The following AOPEP variants were observed in gnomAD, a reference collection of about 807,000 sequenced individuals.
AOPEP encodes aminopeptidase O (putative).
In AOPEP, 77 loss-of-function variants were observed where a neutral mutation model predicts 98.1. The ratio of observed to expected loss-of-function variants is 0.78; its 90% confidence interval spans 0.65 to 0.95. AOPEP has a LOEUF of 0.95. Among genes scored for constraint, AOPEP ranks in the 40% least tolerant of loss-of-function variants. The probability of loss-of-function intolerance (pLI) is 0.00; values close to 1 mark genes in which losing one functional copy is unlikely to be tolerated. For synonymous variants in AOPEP, 346 were observed against 365.3 expected (o/e 0.95, Z 0.60); for missense variants, 1,024 against 1,024.7 (o/e 1.00, Z 0.01).
At chr9:94,905,610 C>A (rs1473214460) in intron 5 of AOPEP, among the ~76,000 whole-genome samples, 1 of 152,114 alleles carries the variant, frequency 6.6e-6, no homozygotes, top group East Asian at 1.9e-4. Context: ...CTGTACATAT[C>A]ATGGAGCCCT....
intron 1 of AOPEP, among the ~76,000 whole-genome samples, chr9:94,750,732 T>TTTTTC (rs1383406140): frequency 4.6e-5 from 7 of 151,794 alleles, no homozygotes; most frequent in East Asian, 3.9e-4. Context: ...GGTCTGATGA[T>TTTTTC]TTTTCTTTTC....
chr9:94,882,172 G>A lies in AOPEP; in HGVS notation c.1365-41814G>A, dbSNP rs777095846. ...ACATCTGTCCAACTTCTCTTTTTTC[G>A]TCATCTTTAAAGGGTGAAAGGGTAA... On this transcript the variant is annotated intron_variant, in intron 5 of 16. Transcript: ENST00000375315. Among the ~76,000 whole-genome samples, 29 of 152,014 alleles carry A rather than the reference G, an allele frequency of 1.9e-4. 1 individual carries two copies. The highest frequency in any genetic ancestry group is 2.8e-4 in the Non-Finnish European group (19 of 68,010).
At chr9:94,918,717 GA>G in intron 5 of AOPEP, among the ~76,000 whole-genome samples, 1 of 152,278 alleles carries the variant, frequency 6.6e-6, no homozygotes, top group South Asian at 2.1e-4. Context: ...AGAGCAATGA[GA>G]TGGCATGTGT....
chr9:94,912,989 TG>T (rs1490936469), intron 5 of AOPEP, among the ~76,000 whole-genome samples: 4 of 152,228 alleles, frequency 2.6e-5, no homozygotes, highest in African/African-American at 9.6e-5. Context: ...TTGTATTTTT[TG>T]TTACTTGCAG....
intron 13 of AOPEP, among the ~76,000 whole-genome samples, chr9:95,035,115 CCCCTGTCCCCCA>C (rs1404015057): frequency 6.6e-6 from 1 of 151,946 alleles, no homozygotes; most frequent in African/African-American, 2.4e-5. Context: ...GCTATCCCTC[CCCCTGTCCCCCA>C]CCCCATGACA....
intron 13 of AOPEP, chr9:95,020,283 CACTG>C (rs1478345369): frequency 6.6e-6 from 1 of 152,170 alleles, no homozygotes; most frequent in Non-Finnish European, 1.5e-5. Flanking sequence ...GGGGCACAGA[CACTG>C]AGGGAGACAG....
At chr9:94,892,573 A>G (rs1162048475) in intron 5 of AOPEP, among the ~76,000 whole-genome samples, 1 of 152,216 alleles carries the variant, frequency 6.6e-6, no homozygotes, top group East Asian at 1.9e-4. Context: ...AGGGCTGAGG[A>G]TAGTTTCTGT....
intron 15 of AOPEP, among the ~76,000 whole-genome samples, chr9:95,081,937 A>C (rs956806683): frequency 6.6e-6 from 1 of 152,116 alleles, no homozygotes; most frequent in Non-Finnish European, 1.5e-5. Flanking sequence ...GGTCTTCTAG[A>C]ACGTCCTTGG....
chr9:94,731,862 T>C (rs576196737), intron 1 of AOPEP, among the ~76,000 whole-genome samples: 5 of 146,410 alleles, frequency 3.4e-5, no homozygotes, highest in Admixed American at 7.0e-5. Context: ...AATGGCATGA[T>C]CTTTGCTCAC....
At chr9:95,002,339 A>G (rs1342315025) in intron 11 of AOPEP, among the ~76,000 whole-genome samples, 3 of 152,194 alleles carry the variant, frequency 2.0e-5, no homozygotes, top group African/African-American at 7.2e-5. Context: ...GGACTGAACA[A>G]AAATCAAGAA....
intron 2 of AOPEP, among the ~76,000 whole-genome samples, chr9:94,769,837 A>G (rs1371047697): frequency 6.6e-6 from 1 of 152,250 alleles, no homozygotes; most frequent in Non-Finnish European, 1.5e-5. Flanking sequence ...AGAGCTTTCA[A>G]GAGCGTGACA....
At chr9:95,096,747 AC>A in the AOPEP span, among the ~76,000 whole-genome samples, 1 of 152,170 alleles carries the variant, frequency 6.6e-6, no homozygotes, top group East Asian at 1.9e-4. Context: ...TTTCAGCCCC[AC>A]CCATGTTTCC....
intron 5 of AOPEP, among the ~76,000 whole-genome samples, chr9:94,853,420 A>G (rs2043798119): frequency 6.6e-6 from 1 of 152,114 alleles, no homozygotes; most frequent in South Asian, 2.1e-4. Context: ...AGATTGCGCC[A>G]CTGCACTCCA....
intron 5 of AOPEP, among the ~76,000 whole-genome samples, chr9:94,882,223 A>G (rs1218142121): frequency 6.6e-6 from 1 of 152,194 alleles, no homozygotes; most frequent in Non-Finnish European, 1.5e-5. Flanking sequence ...AGTGGAGCAA[A>G]TTATTTAGGT....
At chr9:94,848,144 T>C (rs1451880653) in intron 5 of AOPEP, among the ~76,000 whole-genome samples, 3 of 152,082 alleles carry the variant, frequency 2.0e-5, no homozygotes, top group Non-Finnish European at 2.9e-5. Context: ...ATATACTTGG[T>C]TAATAAGTAA....
chr9:95,098,735 G>T, the AOPEP span, among the ~76,000 whole-genome samples: 17 of 152,210 alleles, frequency 1.1e-4, no homozygotes, highest in Non-Finnish European at 2.2e-4. Context: ...CAGCTTCAGG[G>T]ATCAGGGAAG....
At chr9:94,833,235 CTTTT>C (rs34212567) in intron 5 of AOPEP, among the ~76,000 whole-genome samples, 7 of 70,324 alleles carry the variant, frequency 1.0e-4, no homozygotes, top group Non-Finnish European at 1.5e-4. Context: ...CACACCCGTC[CTTTT>C]TTTTTTTTTT....
intron 7 of AOPEP, 165 bp downstream of exon 7, chr9:94,928,696 T>C: frequency 1.8e-6 from 1 of 552,608 alleles, no homozygotes; most frequent in South Asian, 2.3e-5. Flanking sequence ...TTTCAGGGCA[T>C]GCGTTTCGAT....
intron 3 of AOPEP, among the ~76,000 whole-genome samples, chr9:94,774,623 T>C (rs1265895163): frequency 6.6e-6 from 1 of 152,192 alleles, no homozygotes; most frequent in Non-Finnish European, 1.5e-5. Flanking sequence ...TATATCAGAA[T>C]TTAACATTTC....
Sources: allele counts gnomAD v4.1 joint callset (sites outside exome capture counted in the v4.1 genomes callset), GRCh38; gene constraint gnomAD v4.1.1; transcripts MANE v1.5; gene names NCBI Gene and HGNC (gene_info 2026-07-23, HGNC 2026-07-21).